The following LRP1B variants were observed in gnomAD, a reference collection of about 807,000 sequenced individuals.
LRP1B encodes the protein low-density lipoprotein receptor-related protein 1B.
Under a neutral mutation model 556.6 loss-of-function variants are expected in LRP1B, and 217 were observed. The observed-to-expected ratio is 0.39, with a 90% CI of 0.35 to 0.44. The LOEUF (loss-of-function observed/expected upper bound fraction) is 0.44. Ranked by LOEUF, LRP1B falls within the 20% of genes least tolerant of loss-of-function variation. The probability of loss-of-function intolerance (pLI) is 1.00; values close to 1 mark genes in which losing one functional copy is unlikely to be tolerated. For missense variants in LRP1B, 5,053 were observed against 5,620.8 expected (o/e 0.90, Z 3.23); for synonymous variants, 2,047 against 1,865.8 (o/e 1.10, Z -2.50).
intron 2 of LRP1B, among the ~76,000 whole-genome samples, chr2:141,605,625 TC>T (rs1455582383): frequency 6.6e-6 from 1 of 152,152 alleles, no homozygotes; most frequent in African/African-American, 2.4e-5. Flanking sequence ...CATTACATGA[TC>T]CACTGGGCTC....
chr2:142,090,970 A>G (rs1357696899), intron 1 of LRP1B, among the ~76,000 whole-genome samples: 1 of 152,124 alleles, frequency 6.6e-6, no homozygotes, highest in Non-Finnish European at 1.5e-5. Context: ...AAAATATATG[A>G]TTGCAATAAC....
intron 66 of LRP1B, among the ~76,000 whole-genome samples, chr2:140,400,703 CAG>C (rs1449544077): frequency 6.6e-6 from 1 of 152,074 alleles, no homozygotes; most frequent in East Asian, 1.9e-4. Context: ...AAAAGCAACA[CAG>C]GAACTTAATA....
chr2:141,458,174 C>T (rs535052075), intron 3 of LRP1B, among the ~76,000 whole-genome samples: 13 of 152,208 alleles, frequency 8.5e-5, no homozygotes, highest in African/African-American at 3.1e-4. Flanking sequence ...GGGTCCCTCC[C>T]TTATTTAGCC....
intron 85 of LRP1B, 147 bp downstream of exon 85, chr2:140,274,277 C>T (rs1205926362): frequency 1.5e-6 from 1 of 655,832 alleles, no homozygotes; most frequent in African/African-American, 1.8e-5. Flanking sequence ...GTGAACTAGA[C>T]TTACTCTCTA....
chr2:141,694,714 C>A (rs1691672408), intron 2 of LRP1B, among the ~76,000 whole-genome samples: 2 of 150,838 alleles, frequency 1.3e-5, no homozygotes, highest in East Asian at 2.0e-4. Context: ...CTTTAGAAAG[C>A]ACAATGAACA....
At chr2:140,535,335 T>C (rs1690902569) in intron 46 of LRP1B, among the ~76,000 whole-genome samples, 1 of 152,184 alleles carries the variant, frequency 6.6e-6, no homozygotes, top group Non-Finnish European at 1.5e-5. Flanking sequence ...TATTTTTATA[T>C]CTTATAGAAT....
intron 6 of LRP1B, among the ~76,000 whole-genome samples, chr2:141,208,695 G>A (rs1050303222): frequency 1.3e-5 from 2 of 151,500 alleles, no homozygotes; most frequent in Non-Finnish European, 2.9e-5. Flanking sequence ...GTGCAACCCC[G>A]TCTCTATTAA....
At chr2:141,694,830 T>C (rs892917423) in intron 2 of LRP1B, among the ~76,000 whole-genome samples, 1 of 152,094 alleles carries the variant, frequency 6.6e-6, no homozygotes, top group African/African-American at 2.4e-5. Context: ...TTCCAGCAGA[T>C]GATTACATTC....
At position 141,096,629 on chromosome 2, in the gene LRP1B, G is replaced by GAGAGAGAGAGAGA. The variant is rs1558858138; in HGVS notation, c.1014-34357_1014-34356insTCTCTCTCTCTCT. 2.4e-3 allele frequency among the ~76,000 whole-genome samples: 145 copies of GAGAGAGAGAGAGA among 59,740 alleles called. 23 individuals are homozygous for GAGAGAGAGAGAGA. Among genetic ancestry groups the GAGAGAGAGAGAGA allele is most frequent in the African/African-American group, 4.2e-3 (58 of 13,698 alleles). 39.2% of individuals were successfully genotyped at this position (59,740 alleles called of 152,430 possible). A position where few individuals can be genotyped will look rare whatever the true frequency, so the allele number is the denominator to read the frequency against. On this transcript the variant is annotated intron_variant, in intron 7 of 90. Transcript: ENST00000389484. ...CTGAATGACAAAGACGGGGAGAGGG[G>GAGAGAGAGAGAGA]GAGAGAGAGAGAGAGAGAGAGAGAG...
In LRP1B at chr2:141,910,710, G is replaced by GCT. The variant is rs1386893907; in HGVS notation, c.83-100310_83-100309insAG. On this transcript the variant is annotated intron_variant, in intron 1 of 90. Coordinates refer to ENST00000389484, the MANE Select transcript of LRP1B (RefSeq NM_018557.3). ...ACCTTGGGATTGCTAAGTGAGAAGTGAAACACACCAGTTTTTCTATACGAT... is the reference window on the plus strand; with the variant it reads ...ACCTTGGGATTGCTAAGTGAGAAGTGCTAAACACACCAGTTTTTCTATACGAT... 1.1e-4 allele frequency among the ~76,000 whole-genome samples: 16 copies of GCT among 152,122 alleles called. No homozygotes were observed. In the South Asian group the frequency reaches 3.3e-3, roughly 32 times the overall value.
intron 1 of LRP1B, among the ~76,000 whole-genome samples, chr2:142,008,819 G>T (rs930816957): frequency 2.0e-5 from 3 of 151,818 alleles, no homozygotes; most frequent in Non-Finnish European, 4.4e-5. Context: ...TAAAGCTCCT[G>T]GTATATAGTT....
chr2:141,481,483 C>T (rs1180719675), intron 2 of LRP1B, among the ~76,000 whole-genome samples: 1 of 152,138 alleles, frequency 6.6e-6, no homozygotes, highest in Non-Finnish European at 1.5e-5. Context: ...TAGTCCGACA[C>T]ACTTAGGTTT....
chr2:141,462,887 C>T (rs1483338988), intron 3 of LRP1B, among the ~76,000 whole-genome samples: 1 of 151,990 alleles, frequency 6.6e-6, no homozygotes, highest in East Asian at 1.9e-4. Context: ...GCTATTATAT[C>T]ATAAAACATG....
At chr2:141,680,527 C>T (rs1691064472) in intron 2 of LRP1B, among the ~76,000 whole-genome samples, 1 of 152,114 alleles carries the variant, frequency 6.6e-6, no homozygotes. Context: ...CCAGGGCATA[C>T]ATTTCTCCCA....
intron 2 of LRP1B, among the ~76,000 whole-genome samples, chr2:141,635,751 T>G (rs1175314983): frequency 1.3e-5 from 2 of 152,226 alleles, no homozygotes; most frequent in African/African-American, 4.8e-5. Context: ...ACGTGGATTT[T>G]CATGGAAAGA....
chr2:140,857,050 A>C (rs550048828), intron 27 of LRP1B, among the ~76,000 whole-genome samples: 21 of 152,342 alleles, frequency 1.4e-4, no homozygotes, highest in African/African-American at 4.8e-4. Context: ...AATATCATTA[A>C]ATATAATTTC....
intron 43 of LRP1B, among the ~76,000 whole-genome samples, chr2:140,558,229 G>T (rs1680804728): frequency 6.6e-6 from 1 of 152,114 alleles, no homozygotes; most frequent in Admixed American, 6.5e-5. Flanking sequence ...GTTAAACATA[G>T]TGTCTGTATG....
intron 18 of LRP1B, among the ~76,000 whole-genome samples, chr2:140,953,215 C>G (rs1695771350): frequency 6.6e-6 from 1 of 152,062 alleles, no homozygotes; most frequent in South Asian, 2.1e-4. Context: ...CTCAGCTTCC[C>G]AAGTAGCTGG....
In LRP1B at chr2:140,513,828, G is replaced by A. The variant is rs567820179; in HGVS notation, c.8269+825C>T. On this transcript the variant is annotated intron_variant, in intron 51 of 90. Coordinates refer to ENST00000389484, the MANE Select transcript of LRP1B (RefSeq NM_018557.3). Reference sequence around the variant, plus strand: ...GGTCCTTCTCTTCCTAAAAGAGGATGATAACAGCTGCCACCAAAGGCTGAT... The same window carrying A: ...GGTCCTTCTCTTCCTAAAAGAGGATAATAACAGCTGCCACCAAAGGCTGAT... Among the ~76,000 whole-genome samples, 81 of 152,054 alleles carry A rather than the reference G, an allele frequency of 5.3e-4. 1 individual carries two copies. Among genetic ancestry groups the A allele is most frequent in the Admixed American group, 1.2e-3 (18 of 15,258 alleles).
Sources: gnomAD v4.1 joint callset for allele counts (sites outside exome capture counted in the v4.1 genomes callset) on GRCh38, gnomAD v4.1.1 for gene constraint, MANE v1.5 for transcripts, NCBI Gene and HGNC (gene_info 2026-07-23, HGNC 2026-07-21) for gene names.